PTPRC: variants seen among roughly 807,000 people sequenced by gnomAD.
The protein encoded by PTPRC is protein tyrosine phosphatase receptor type C, also known as receptor-type tyrosine-protein phosphatase C.
PTPRC carries 44 observed loss-of-function variants against 155.9 expected under a neutral mutation model. The ratio of observed to expected loss-of-function variants is 0.28; its 90% CI spans 0.22 to 0.36. PTPRC has a LOEUF of 0.36. PTPRC is among the 10% of genes least tolerant of loss of function. PTPRC has a pLI of 1.00. For missense variants in PTPRC, 1,401 were observed against 1,564.6 expected (o/e 0.90, Z 1.76); for synonymous variants, 525 against 533.1 (o/e 0.98, Z 0.21).
chr1:198,664,271 A>G (rs1664149152), intron 2 of PTPRC, among the ~76,000 whole-genome samples: 1 of 152,196 alleles, frequency 6.6e-6, no homozygotes, highest in South Asian at 2.1e-4. Flanking sequence ...AAATGGGAAA[A>G]TATTTGTTTT....
chr1:198,715,414 C>T (rs948597399), intron 12 of PTPRC, among the ~76,000 whole-genome samples: 3 of 151,788 alleles, frequency 2.0e-5, no homozygotes, highest in African/African-American at 4.8e-5. Context: ...TATTTTTCCT[C>T]ACATTTTTAG....
At chr1:198,698,601 T>G (rs1298482104) in intron 4 of PTPRC, among the ~76,000 whole-genome samples, 1 of 152,010 alleles carries the variant, frequency 6.6e-6, no homozygotes. Flanking sequence ...ACCATCCATG[T>G]GCATAACATT....
intron 31 of PTPRC, 40 bp downstream of exon 31, chr1:198,752,812 T>A (rs751403830): frequency 6.3e-7 from 1 of 1,591,026 alleles, no homozygotes; most frequent in South Asian, 1.1e-5. Flanking sequence ...AAAATCATAA[T>A]GCTTGACTTC....
At chr1:198,648,520 G>A (rs1398780311) in intron 2 of PTPRC, among the ~76,000 whole-genome samples, 1 of 151,620 alleles carries the variant, frequency 6.6e-6, no homozygotes, top group African/African-American at 2.4e-5. Flanking sequence ...TGTGATGATG[G>A]GCAAATCACA....
intron 27 of PTPRC, 94 bp from the exon 28 acceptor site, chr1:198,749,322 T>A: frequency 8.0e-7 from 1 of 1,243,744 alleles, no homozygotes; most frequent in Non-Finnish European, 1.2e-6. Context: ...TAATACAATC[T>A]GTCCCTTTTT....
intron 2 of PTPRC, among the ~76,000 whole-genome samples, chr1:198,656,070 G>T (rs1335224453): frequency 2.0e-5 from 3 of 152,028 alleles, no homozygotes; most frequent in African/African-American, 7.2e-5. Context: ...ATTCACAGGT[G>T]AGAATTTTGT....
rs760021216 is a variant in PTPRC, at chr1:198,735,221, A to G, written c.2372A>G (p.Asp791Gly). The G allele has an allele frequency of 1.9e-6, 3 of 1,602,730 alleles. No homozygotes were observed. In the East Asian group the frequency reaches 6.8e-5, roughly 36 times the overall value. The change falls in exon 23 of 33, where the codon GAT (aspartate) becomes GGT (glycine). Residue 791 changes from aspartate (D) to glycine (G), a missense_variant. By Grantham distance (94) the Asp-to-Gly change is moderately conservative. This residue lies in a region of PTPRC where 867 missense variants were observed against 970.4 expected (regional missense o/e 0.89). Coordinates refer to ENST00000442510, the MANE Select transcript of PTPRC (RefSeq NM_002838.5). ...VKINQHKRCP[D>G]YIIQKLNIVN... The stretch of plus-strand genomic sequence containing the variant: ...ATCAACCAGCACAAAAGATGTCCAG[A>G]TTACATCATTCAGAAATTGAACATT...
intron 32 of PTPRC, among the ~76,000 whole-genome samples, chr1:198,755,609 G>A (rs146534580): frequency 5.8e-4 from 89 of 152,180 alleles, no homozygotes; most frequent in African/African-American, 2.0e-3. Context: ...CATTAGACAG[G>A]AGGATAAGTA....
chr1:198,739,630 T>C (rs1275869309), intron 23 of PTPRC, among the ~76,000 whole-genome samples: 1 of 151,752 alleles, frequency 6.6e-6, no homozygotes, highest in African/African-American at 2.4e-5. Flanking sequence ...ACAATAATAG[T>C]TGGAGACTTC....
At chr1:198,674,221 C>A (rs576770036) in intron 2 of PTPRC, among the ~76,000 whole-genome samples, 2 of 152,262 alleles carry the variant, frequency 1.3e-5, no homozygotes, top group Admixed American at 1.3e-4. Context: ...ATGCTCATCA[C>A]TTCAGTTGGA....
chr1:198,736,224 G>A (rs1253122198), intron 23 of PTPRC, among the ~76,000 whole-genome samples: 1 of 151,500 alleles, frequency 6.6e-6, no homozygotes, highest in African/African-American at 2.4e-5. Context: ...ATTTTGAAAT[G>A]TATAATAAAT....
chr1:198,729,249 A>T (rs1388117632), intron 17 of PTPRC, 78 bp downstream of exon 17: 4 of 1,409,494 alleles, frequency 2.8e-6, no homozygotes, highest in South Asian at 3.1e-5. Flanking sequence ...TTATTTATTT[A>T]TATTTATTTT....
chr1:198,735,359 G>T, intron 23 of PTPRC, 107 bp downstream of exon 23: 1 of 1,079,964 alleles, frequency 9.3e-7, no homozygotes, highest in Non-Finnish European at 1.3e-6. Context: ...AATTATTTTT[G>T]ATAACCTTTA....
chr1:198,728,182 A>T (rs1654227424), intron 15 of PTPRC, among the ~76,000 whole-genome samples, 158 bp from the exon 16 acceptor site: 1 of 152,184 alleles, frequency 6.6e-6, no homozygotes, highest in Admixed American at 6.5e-5. Flanking sequence ...CAGAATTAGA[A>T]ATTTATTGTA....
In PTPRC at chr1:198,735,195, G is replaced by A. The variant is rs771626124; in HGVS notation, c.2346G>A (p.Lys782=). The stretch of plus-strand genomic sequence containing the variant: ...GGGCTTTTGGAGATGTTGTTGTAAA[G>A]ATCAACCAGCACAAAAGATGTCCAG... ...GTRAFGDVVV[K]INQHKRCPDY... is the part of the protein sequence containing the mutation. Residue 782 remains lysine (K), a synonymous_variant, in exon 23 of 33, where the codon AAG becomes AAA. Coordinates refer to ENST00000442510, the MANE Select transcript of PTPRC (RefSeq NM_002838.5). 6.2e-7 allele frequency: 1 copy of A among 1,604,678 alleles called. No homozygotes were observed. The highest frequency in any genetic ancestry group is 1.7e-5 in the Admixed American group (1 of 59,610).
At position 198,696,842 on chromosome 1, in the gene PTPRC, T is replaced by A. The variant is rs751293994; in HGVS notation, c.231T>A (p.Ser77Arg). Residue 77 changes from serine to arginine, a missense_variant, in exon 4 of 33, where the codon AGT (serine) becomes AGA (arginine). Around this residue, in one of 3 missense-constraint regions of PTPRC, gnomAD observed 867 missense variants for 970.4 expected, o/e 0.89. Coordinates refer to ENST00000442510, the MANE Select transcript of PTPRC (RefSeq NM_002838.5). ...TCTCAGAGACCACAACTTCTCTTAGTCCAGACAATACTTCCACCCAAGTAT... is the reference window on the plus strand; with the variant it reads ...TCTCAGAGACCACAACTTCTCTTAGACCAGACAATACTTCCACCCAAGTAT... Reference protein sequence around the residue: ...NDFSETTTSLSPDNTSTQVSP... With the variant: ...NDFSETTTSLRPDNTSTQVSP... 1.9e-6 allele frequency: 3 copies of A among 1,613,978 alleles called. No individual in the cohort carries two copies. The highest frequency in any genetic ancestry group is 2.5e-6 in the Non-Finnish European group (3 of 1,179,958).
At chr1:198,659,447 A>T (rs1214867035) in intron 2 of PTPRC, among the ~76,000 whole-genome samples, 1 of 152,196 alleles carries the variant, frequency 6.6e-6, no homozygotes, top group Non-Finnish European at 1.5e-5. Context: ...AGAGGGGGCC[A>T]GTGCTCATTT....
At chr1:198,703,830 T>G in intron 7 of PTPRC, 1 of 186,662 alleles carries the variant, frequency 5.4e-6, no homozygotes, top group East Asian at 1.4e-4. Flanking sequence ...TGATCAGAGC[T>G]TGCAAGCCCA....
chr1:198,640,209 A>G (rs1662498719), intron 2 of PTPRC, among the ~76,000 whole-genome samples: 3 of 152,050 alleles, frequency 2.0e-5, no homozygotes. Flanking sequence ...TCAATAGATT[A>G]TAGAATGTAA....
Sources: gnomAD v4.1 joint callset for allele counts (sites outside exome capture counted in the v4.1 genomes callset) on GRCh38, gnomAD v4.1.1 for gene constraint, gnomAD v4.1.1 regional missense constraint, MANE v1.5 for transcripts, NCBI Gene and HGNC (gene_info 2026-07-23, HGNC 2026-07-21) for gene names.